LMF1: variants seen among roughly 807,000 people sequenced by gnomAD.
The protein encoded by LMF1 is transmembrane protein 112.
Under a neutral mutation model 60.6 loss-of-function variants are expected in LMF1, and 68 were observed. The observed-to-expected ratio is 1.12, with a 90% confidence interval of 0.92 to 1.37. The LOEUF (loss-of-function observed/expected upper bound fraction) is 1.37, where lower values mean the gene tolerates loss of function less well. Among genes scored for constraint, LMF1 ranks in the 40% most tolerant of loss-of-function variants. LMF1 has a pLI of 0.00. For synonymous variants in LMF1, 418 were observed against 324.7 expected, an observed-to-expected ratio of 1.29 and a Z score of -3.09; for missense variants, 948 against 767.2, an observed-to-expected ratio of 1.24 and a Z score of -2.78.
intron 2 of LMF1, chr16:947,638 G>A (rs1312251700): frequency 2.2e-6 from 1 of 455,474 alleles, no homozygotes; most frequent in African/African-American, 2.0e-5. Context: ...TTCTGGAGAG[G>A]ATCTTTCCTT....
chr16:934,177 T>C (rs757050874), intron 3 of LMF1, 67 bp downstream of exon 3: 1 of 1,598,846 alleles, frequency 6.3e-7, no homozygotes, highest in South Asian at 1.1e-5. Flanking sequence ...GAAAAGTGCG[T>C]GAAGATACAT....
chr16:922,262 C>T (rs1030778578), intron 3 of LMF1, among the ~76,000 whole-genome samples: 2 of 152,184 alleles, frequency 1.3e-5, no homozygotes, highest in Non-Finnish European at 2.9e-5. Context: ...ACAATCTCGC[C>T]TCCGATGCAA....
At position 861,439 on chromosome 16, in the gene LMF1, C is replaced by T. The variant is rs141055094; in HGVS notation, c.1530-6733G>A. On this transcript the variant is annotated intron_variant, in intron 10 of 10. Transcript: ENST00000262301. ...GTGACGCAATCTCAGCTCACTGTAA[C>T]CTCTGCCTCCCCGGTACAAGCAATT... is the stretch of plus-strand genomic sequence containing the variant. Among the ~76,000 whole-genome samples, 156 of 149,076 alleles carry T rather than the reference C, an allele frequency of 1.0e-3. 1 individual carries two copies. The East Asian group carries it at 0.028, about 27-fold the overall frequency.
chr16:972,157 C>T (rs1369881153), upstream of LMF1, among the ~76,000 whole-genome samples: 7 of 152,182 alleles, frequency 4.6e-5, no homozygotes, highest in African/African-American at 1.7e-4. Context: ...AGCAGTGGCC[C>T]GAGCTTCCTC....
At chr16:924,602 G>A (rs2071542262) in intron 3 of LMF1, among the ~76,000 whole-genome samples, 1 of 152,188 alleles carries the variant, frequency 6.6e-6, no homozygotes, top group African/African-American at 2.4e-5. Context: ...GCCACTGTCA[G>A]GGGCAGCCGG....
chr16:922,187 G>A (rs897005170), intron 3 of LMF1, among the ~76,000 whole-genome samples: 5 of 152,180 alleles, frequency 3.3e-5, no homozygotes, highest in African/African-American at 1.2e-4. Flanking sequence ...GCCCAGCCAT[G>A]CTCCTTGGCA....
intron 6 of LMF1, chr16:871,588 C>G (rs1204192001): frequency 1.8e-6 from 1 of 548,448 alleles, no homozygotes; most frequent in African/African-American, 1.9e-5. Context: ...CATTTCTGTG[C>G]AGGTTCTGTC....
At chr16:909,775 G>T (rs1247631221) in intron 4 of LMF1, among the ~76,000 whole-genome samples, 1 of 152,226 alleles carries the variant, frequency 6.6e-6, no homozygotes, top group South Asian at 2.1e-4. Context: ...CCCTGCCTGC[G>T]GCATGACCTG....
chr16:967,403 C>T (rs961885200), intron 1 of LMF1, among the ~76,000 whole-genome samples: 6 of 152,178 alleles, frequency 3.9e-5, no homozygotes, highest in South Asian at 4.1e-4. Flanking sequence ...CCCTCTGTTC[C>T]GGTGAGCCTG....
At chr16:867,047 C>T (rs746884934) in intron 10 of LMF1, among the ~76,000 whole-genome samples, 15 of 152,122 alleles carry the variant, frequency 9.9e-5, no homozygotes, top group South Asian at 6.2e-4. Context: ...GTTTTAAAGT[C>T]GATGATGAAC....
intron 2 of LMF1, among the ~76,000 whole-genome samples, chr16:935,444 G>A (rs193184966): frequency 2.0e-5 from 3 of 152,150 alleles, no homozygotes; most frequent in Non-Finnish European, 2.9e-5. Flanking sequence ...TATGTACGCT[G>A]ACTTGTACAC....
At position 879,736 on chromosome 16, in the gene LMF1, G is replaced by A. The variant is rs1339673984; in HGVS notation, c.731C>T (p.Thr244Ile). The A allele has an allele frequency of 2.5e-6, 4 of 1,582,136 alleles. No individual in the cohort carries two copies. In the South Asian group the frequency reaches 3.5e-5, roughly 14 times the overall value. The change falls in exon 6 of 11, where the codon ACC becomes ATC. Residue 244 changes from threonine to isoleucine, a missense_variant and splice_region_variant. Coordinates refer to ENST00000262301, the MANE Select transcript of LMF1 (RefSeq NM_022773.4). ...DLTCMDFHYETQPMPNPVAYY... is the reference protein window; with the variant it reads ...DLTCMDFHYEIQPMPNPVAYY... ...CGCCACAGGATTGGGCATCGGCTGG[G>A]TCTGCAGGGACAGGAGGGGCCGTGA...
Position 854,411 on chromosome 16 carries a change from T to A in LMF1, c.*121A>T, listed in dbSNP as rs1363023823. 3.0e-6 allele frequency: 3 copies of A among 1,016,244 alleles called. No homozygotes were observed. Among genetic ancestry groups the A allele is most frequent in the Non-Finnish European group, 4.4e-6 (3 of 681,604 alleles). The allele number at this position is 1,016,244 out of a possible 1,614,324, so 63.0% of individuals were successfully genotyped here. A position where few individuals can be genotyped will look rare whatever the true frequency, so the allele number is the denominator to read the frequency against. ...CTGGACCCCCGTGCTGGGGGCTGGG[T>A]CCCACCGCTCTCCTCTCCACGTCTC... On this transcript the variant is annotated 3_prime_UTR_variant, in exon 11 of 11. Transcript: ENST00000262301.
chr16:971,099 G>A, upstream of LMF1: 5 of 1,076,562 alleles, frequency 4.6e-6, no homozygotes, highest in Non-Finnish European at 6.1e-6. Flanking sequence ...CCCACACCCC[G>A]GGAGGCCCCG....
chr16:958,567 G>A (rs1429956451), intron 1 of LMF1, among the ~76,000 whole-genome samples: 1 of 152,146 alleles, frequency 6.6e-6, no homozygotes, highest in Non-Finnish European at 1.5e-5. Context: ...CCACACACAC[G>A]TCACATGGCC....
chr16:871,076 C>T, intron 7 of LMF1, 85 bp downstream of exon 7: 8 of 1,446,456 alleles, frequency 5.5e-6, no homozygotes, highest in Non-Finnish European at 7.3e-6. Flanking sequence ...CCCTGGCGTC[C>T]CCAACCCACA....
At chr16:921,271 A>G (rs952904613) in intron 3 of LMF1, 3 of 152,276 alleles carry the variant, frequency 2.0e-5, no homozygotes, top group Non-Finnish European at 4.4e-5. Context: ...CCACTGGGGC[A>G]TTCTGTTCCC....
chr16:935,809 A>G (rs924636251), intron 2 of LMF1, among the ~76,000 whole-genome samples: 1 of 152,234 alleles, frequency 6.6e-6, no homozygotes, highest in African/African-American at 2.4e-5. Flanking sequence ...GGCTCCCTAC[A>G]TCGTCCGACC....
At chr16:978,040 TCACACA>T (rs61325853) in intron 1 of LMF1, among the ~76,000 whole-genome samples, 2 of 114,720 alleles carry the variant, frequency 1.7e-5, no homozygotes, top group African/African-American at 3.3e-5. Context: ...ACACCACACA[TCACACA>T]CACACAAACA....
Sources: gnomAD v4.1 joint callset for allele counts (sites outside exome capture counted in the v4.1 genomes callset) on GRCh38, gnomAD v4.1.1 for gene constraint, MANE v1.5 for transcripts, NCBI Gene and HGNC (gene_info 2026-07-23, HGNC 2026-07-21) for gene names.